Variants in PUM2 observed in about 807,000 individuals in gnomAD.
PUM2 encodes pumilio homolog 2.
PUM2 carries 57 observed loss-of-function variants against 124.5 expected under a neutral mutation model. The observed-to-expected ratio is 0.46, with a 90% CI of 0.37 to 0.57. The LOEUF (loss-of-function observed/expected upper bound fraction) is 0.57. PUM2 is among the 20% of genes least tolerant of loss of function. The probability of loss-of-function intolerance (pLI) is 0.00; values close to 1 mark genes in which losing one functional copy is unlikely to be tolerated. For synonymous variants in PUM2, 460 were observed against 446.1 expected (o/e 1.03, Z -0.39); for missense variants, 1,065 against 1,290.6 (o/e 0.83, Z 2.68).
At chr2:20,290,234 AG>A (rs1311056029) in intron 10 of PUM2, among the ~76,000 whole-genome samples, 1 of 152,254 alleles carries the variant, frequency 6.6e-6, no homozygotes, top group Non-Finnish European at 1.5e-5. Context: ...AAGATTAAAC[AG>A]GGTTCAAAGT....
chr2:20,255,124 ATAGTGTGTTTAG>A, intron 18 of PUM2, 80 bp downstream of exon 18: 1 of 1,481,792 alleles, frequency 6.7e-7, no homozygotes, highest in Non-Finnish European at 9.2e-7. Flanking sequence ...ACTCTTGTCT[ATAGTGTGTTTAG>A]TAACAAATTG....
intron 7 of PUM2, among the ~76,000 whole-genome samples, chr2:20,301,074 C>T (rs958476431): frequency 1.3e-5 from 2 of 152,192 alleles, no homozygotes; most frequent in African/African-American, 4.8e-5. Flanking sequence ...ATTTCCGGAC[C>T]AAACCAATGT....
intron 9 of PUM2, among the ~76,000 whole-genome samples, chr2:20,294,142 CA>C (rs1267047300): frequency 6.6e-6 from 1 of 152,158 alleles, no homozygotes; most frequent in Non-Finnish European, 1.5e-5. Context: ...CTAGAGATTT[CA>C]AGATCGCAAA....
At position 20,308,021 on chromosome 2, in the gene PUM2, T is replaced by C. The variant is rs750982784; in HGVS notation, c.840A>G (p.Gln280=). The C allele has an allele frequency of 6.8e-6, 11 of 1,613,040 alleles. No individual in the cohort carries two copies. Among genetic ancestry groups the C allele is most frequent in the East Asian group, 2.2e-5 (1 of 44,860 alleles). Residue 280 remains glutamine, a synonymous_variant, in exon 7 of 21, where the codon CAA becomes CAG. Transcript: ENST00000361078. The part of the protein sequence containing the change: ...ALTVQQLTAA[Q]QQQYALAAAQ... ...CTGCTGCTAATGCATATTGCTGCTG[T>C]TGAGCTGCAGTTAACTGTTGAACTG...
chr2:20,332,160 C>G (rs1171509367), intron 1 of PUM2, among the ~76,000 whole-genome samples: 3 of 152,186 alleles, frequency 2.0e-5, no homozygotes, highest in Non-Finnish European at 4.4e-5. Context: ...CCTCTGCTCT[C>G]ATTCACTTTC....
chr2:20,324,707 G>C (rs954449004), intron 2 of PUM2, among the ~76,000 whole-genome samples: 1 of 152,148 alleles, frequency 6.6e-6, no homozygotes, highest in Admixed American at 6.5e-5. Context: ...AAAACAGAGA[G>C]GGTAAGTTTA....
chr2:20,315,971 A>C lies in PUM2; in HGVS notation c.160+2566T>G, dbSNP rs951507029. On this transcript the variant is annotated intron_variant, in intron 3 of 20. Transcript: ENST00000361078. Reference sequence around the variant, plus strand: ...CCATCAACCAAGTTACCAAGCACACATGCTCTCAGCAAGAAATATGCCTTT... The same window carrying C: ...CCATCAACCAAGTTACCAAGCACACCTGCTCTCAGCAAGAAATATGCCTTT... Among the ~76,000 whole-genome samples, 141 of 152,280 alleles carry C rather than the reference A, an allele frequency of 9.3e-4. 2 individuals carry two copies. The highest frequency in any genetic ancestry group is 3.3e-3 in the African/African-American group (136 of 41,558).
intron 1 of PUM2, among the ~76,000 whole-genome samples, chr2:20,349,017 TGTA>T: frequency 1.3e-5 from 2 of 152,250 alleles, no homozygotes; most frequent in African/African-American, 4.8e-5. Flanking sequence ...ATACAGTATT[TGTA>T]ATGCCTGAGA....
At chr2:20,259,368 A>G (rs1198896367) in intron 15 of PUM2, among the ~76,000 whole-genome samples, 1 of 152,232 alleles carries the variant, frequency 6.6e-6, no homozygotes, top group East Asian at 1.9e-4. Flanking sequence ...CACCATCACT[A>G]TCACTATTTG....
chr2:20,268,055 A>G lies in PUM2; in HGVS notation c.1958-4595T>C, dbSNP rs183426443. ...GCTGGGGGAGACCGTAAGTGAAACC[A>G]CCACAAAATAAAGAAATCTGTCTAG... is the stretch of plus-strand genomic sequence containing the variant. On this transcript the variant is annotated intron_variant, in intron 13 of 20. Transcript: ENST00000361078. Among the ~76,000 whole-genome samples, 274 of 152,308 alleles carry G rather than the reference A, an allele frequency of 1.8e-3. 4 individuals are homozygous for G. Among genetic ancestry groups the G allele is most frequent in the African/African-American group, 6.1e-3 (255 of 41,554 alleles).
chr2:20,253,767 T>C (rs1664062858), intron 20 of PUM2, 55 bp downstream of exon 20: 2 of 1,466,408 alleles, frequency 1.4e-6, no homozygotes, highest in Non-Finnish European at 1.9e-6. Flanking sequence ...GGAGGTTAAA[T>C]GTGTAGCCTA....
chr2:20,351,662 C>T (rs1689352768), upstream of PUM2, among the ~76,000 whole-genome samples: 1 of 152,236 alleles, frequency 6.6e-6, no homozygotes, highest in African/African-American at 2.4e-5. Context: ...TCTAACCTAA[C>T]CGGCTCCAGG....
chr2:20,323,366 C>T lies in PUM2; in HGVS notation c.51+3944G>A, dbSNP rs369136458. 3.2e-4 allele frequency among the ~76,000 whole-genome samples: 48 copies of T among 150,118 alleles called. No individual in the cohort carries two copies. In the South Asian group the frequency reaches 9.9e-3, roughly 31 times the overall value. ...GGGAGGCTGAGGCAGGAGAATAACT[C>T]GAACCTGGGAGGTGGAGATTGCAGT... On this transcript the variant is annotated intron_variant, in intron 2 of 20. Coordinates refer to ENST00000361078, the MANE Select transcript of PUM2 (RefSeq NM_015317.5).
intron 1 of PUM2, among the ~76,000 whole-genome samples, chr2:20,346,793 TACTG>T (rs1408776028): frequency 1.8e-4 from 28 of 152,362 alleles, no homozygotes; most frequent in Admixed American, 5.9e-4. Flanking sequence ...CCCTGGGCAG[TACTG>T]ACTAAGTGGT....
At chr2:20,315,855 A>C (rs1329394598) in intron 3 of PUM2, among the ~76,000 whole-genome samples, 86 of 151,358 alleles carry the variant, frequency 5.7e-4, no homozygotes, top group African/African-American at 1.4e-3. Flanking sequence ...AAAAAAAAAA[A>C]AAACAAACCA....
intron 13 of PUM2, among the ~76,000 whole-genome samples, chr2:20,273,068 A>G (rs1383547102): frequency 6.6e-6 from 1 of 152,204 alleles, no homozygotes; most frequent in Non-Finnish European, 1.5e-5. Flanking sequence ...TCCTTAGGGT[A>G]CCTTATAAGC....
At chr2:20,259,974 T>C (rs746790442) in intron 15 of PUM2, among the ~76,000 whole-genome samples, 13 of 152,250 alleles carry the variant, frequency 8.5e-5, no homozygotes, top group Admixed American at 2.0e-4. Flanking sequence ...ATTACAGTCA[T>C]CTTAGTAGGT....
intron 9 of PUM2, 62 bp downstream of exon 9, chr2:20,294,314 A>C: frequency 6.4e-7 from 1 of 1,563,852 alleles, no homozygotes; most frequent in Non-Finnish European, 8.7e-7. Flanking sequence ...CAAATCTTAA[A>C]CATTAGGAGC....
At chr2:20,326,420 T>A in intron 2 of PUM2, 1 of 1,304,096 alleles carries the variant, frequency 7.7e-7, no homozygotes, top group Non-Finnish European at 1.0e-6. Context: ...GTGAGTCTCA[T>A]GAAGGTCTCT....
Sources: allele counts gnomAD v4.1 joint callset (sites outside exome capture counted in the v4.1 genomes callset), GRCh38; gene constraint gnomAD v4.1.1; transcripts MANE v1.5; gene names NCBI Gene and HGNC (gene_info 2026-07-23, HGNC 2026-07-21).